NLRP12: variants seen among roughly 807,000 people sequenced by gnomAD.
NLRP12 encodes the protein NACHT, LRR and PYD domains-containing protein 12.
NLRP12 carries 108 observed loss-of-function variants against 91.2 expected under a neutral mutation model. That is an observed-to-expected ratio of 1.18 (90% confidence interval 1.01 to 1.39). The LOEUF (loss-of-function observed/expected upper bound fraction) is 1.39, where lower values mean the gene tolerates loss of function less well. NLRP12 is among the 40% of genes most tolerant of loss of function. The pLI, the probability that NLRP12 is intolerant of heterozygous loss-of-function variation, is 0.00. For missense variants in NLRP12, 1,530 were observed against 1,352.7 expected (o/e 1.13, Z -2.06); for synonymous variants, 613 against 566.7 (o/e 1.08, Z -1.16).
At chr19:53,796,704 T>C (rs1438760346) in intron 8 of NLRP12, among the ~76,000 whole-genome samples, 8 of 151,644 alleles carry the variant, frequency 5.3e-5, no homozygotes, top group African/African-American at 1.5e-4. Context: ...TTTAAAAAAT[T>C]ATCTGGGTTA....
chr19:53,821,133 T>G (rs1273006312), intron 1 of NLRP12, among the ~76,000 whole-genome samples: 1 of 148,604 alleles, frequency 6.7e-6, no homozygotes, highest in African/African-American at 2.5e-5. Context: ...CCGCCTGGGT[T>G]CAAGTGATTC....
At chr19:53,800,504 G>A (rs1403997721) in intron 7 of NLRP12, among the ~76,000 whole-genome samples, 1 of 151,992 alleles carries the variant, frequency 6.6e-6, no homozygotes, top group Non-Finnish European at 1.5e-5. Context: ...AACTTCTCCA[G>A]GCAAAGAGGG....
chr19:53,798,413 C>T lies in NLRP12; in HGVS notation c.2757G>A (p.Arg919=). The T allele has an allele frequency of 6.2e-7, 1 of 1,613,884 alleles. No homozygotes were observed. ...CAGAGCCCAGCCGGCAGATGCCCAA[C>T]CTGCAAAGACAGGATGCTAGGGCGG... ...RHPTCKLQTL[R]LGICRLGSAA... is the part of the protein sequence containing the mutation. Residue 919 remains arginine, a splice_region_variant and synonymous_variant, in exon 8 of 10, where the codon CGG becomes CGA. Coordinates refer to ENST00000324134, the MANE Select transcript of NLRP12 (RefSeq NM_144687.4).
At chr19:53,819,549 A>ACGTATATG (rs1568696034) in intron 1 of NLRP12, among the ~76,000 whole-genome samples, 17 of 113,154 alleles carry the variant, frequency 1.5e-4, no homozygotes, top group Non-Finnish European at 2.5e-4. Flanking sequence ...ACGTATATAT[A>ACGTATATG]TGTATGTATA....
At chr19:53,821,649 C>T (rs1256118971) in intron 1 of NLRP12, among the ~76,000 whole-genome samples, 2 of 152,128 alleles carry the variant, frequency 1.3e-5, no homozygotes, top group Non-Finnish European at 2.9e-5. Flanking sequence ...GCCTGGGCGA[C>T]AGAGCAAGAC....
rs751377595 is a variant in NLRP12, at chr19:53,809,829, G to A, written c.1830C>T (p.Ser610=). ...CGTACAAGCAGCTGAAGAACTCCAA[G>A]GAGCCCTGCTGCAGGGTGGAGCCGT... is the stretch of plus-strand genomic sequence containing the variant. ...QSDGSTLQQG[S]LEFFSCLYEI... The change falls in exon 3 of 10, where the codon TCC becomes TCT. Residue 610 remains serine, a synonymous_variant. Coordinates refer to ENST00000324134, the MANE Select transcript of NLRP12 (RefSeq NM_144687.4). 3 of 1,614,132 alleles carry A rather than the reference G, an allele frequency of 1.9e-6. No homozygotes were observed. Among genetic ancestry groups the A allele is most frequent in the Non-Finnish European group, 2.5e-6 (3 of 1,180,022 alleles).
chr19:53,811,336 T>G lies in NLRP12; in HGVS notation c.371-48A>C, dbSNP rs750632637. 5.0e-6 allele frequency: 8 copies of G among 1,606,762 alleles called. No homozygotes were observed. The South Asian group carries it at 8.8e-5, about 18-fold the overall frequency. The stretch of plus-strand genomic sequence containing the variant: ...TTGTGGAAGACTCATCAGCAGCCTC[T>G]AATGAGTTCACGAGGTAAAGCGCTC... On this transcript the variant is annotated intron_variant, in intron 2 of 9. Transcript: ENST00000324134.
At chr19:53,805,081 A>C (rs1426991136) in intron 5 of NLRP12, among the ~76,000 whole-genome samples, 199 bp downstream of exon 5, 1 of 152,144 alleles carries the variant, frequency 6.6e-6, no homozygotes, top group Non-Finnish European at 1.5e-5. Flanking sequence ...TTCATCATGT[A>C]GAATTGAGTG....
At chr19:53,814,284 C>T (rs2122709510) in intron 2 of NLRP12, among the ~76,000 whole-genome samples, 1 of 152,222 alleles carries the variant, frequency 6.6e-6, no homozygotes, top group African/African-American at 2.4e-5. Flanking sequence ...GGCAGATTCC[C>T]CAGTACTGAC....
At position 53,822,223 on chromosome 19, in the gene NLRP12, C is replaced by A. The variant is rs376854407; in HGVS notation, c.289+1663G>T. Among the ~76,000 whole-genome samples, 9 of 152,176 alleles carry A rather than the reference C, an allele frequency of 5.9e-5. No homozygotes were observed. The East Asian group carries it at 1.7e-3, about 29-fold the overall frequency. ...CCATGTAACAAACCTGCACATGTAC[C>A]CCTTGAATCTAAAAGTTGAAATTTT... On this transcript the variant is annotated intron_variant, in intron 1 of 9. Coordinates refer to ENST00000324134, the MANE Select transcript of NLRP12 (RefSeq NM_144687.4).
chr19:53,802,503 C>G lies in NLRP12; in HGVS notation c.2586-1106G>C, dbSNP rs1055319888. The stretch of plus-strand genomic sequence containing the variant: ...CGGGCGGGTCACGAGGTCAGGAGAT[C>G]GAGACCATCCTGGCTAACACGGTGA... On this transcript the variant is annotated intron_variant, in intron 6 of 9. Transcript: ENST00000324134. 4.0e-5 allele frequency among the ~76,000 whole-genome samples: 6 copies of G among 151,588 alleles called. No homozygotes were observed. In the East Asian group the frequency reaches 1.2e-3, roughly 30 times the overall value.
Position 53,812,502 on chromosome 19 carries a change from G to A in NLRP12, c.371-1214C>T, listed in dbSNP as rs1034738988. Among the ~76,000 whole-genome samples the A allele has an allele frequency of 5.3e-5, 8 of 152,002 alleles. No individual in the cohort carries two copies. In the South Asian group the frequency reaches 1.4e-3, roughly 28 times the overall value. On this transcript the variant is annotated intron_variant, in intron 2 of 9. Transcript: ENST00000324134. ...CAGGGGACATTTGGCAACGGGACAAGTGGGTTGGTTGTTACAACTGGGAAA... is the reference window on the plus strand; with the variant it reads ...CAGGGGACATTTGGCAACGGGACAAATGGGTTGGTTGTTACAACTGGGAAA...
At chr19:53,814,245 C>T (rs932649132) in intron 2 of NLRP12, among the ~76,000 whole-genome samples, 1 of 152,170 alleles carries the variant, frequency 6.6e-6, no homozygotes, top group Non-Finnish European at 1.5e-5. Flanking sequence ...TAACCTCGTT[C>T]CCCTCTGTCA....
chr19:53,809,864 C>T lies in NLRP12; in HGVS notation c.1795G>A (p.Ala599Thr). The T allele has an allele frequency of 1.2e-6, 2 of 1,614,134 alleles. No individual in the cohort carries two copies. The highest frequency in any genetic ancestry group is 1.7e-6 in the Non-Finnish European group (2 of 1,180,044). The change falls in exon 3 of 10, where the codon GCT (alanine) becomes ACT (threonine). Residue 599 changes from alanine (A) to threonine (T), a missense_variant. Transcript: ENST00000324134. Reference sequence around the variant, plus strand: ...TGCAGGGTGGAGCCGTCGCTCTGAGCTTTGCTTTGGATCCACTGCAACAGG... The same window carrying T: ...TGCAGGGTGGAGCCGTCGCTCTGAGTTTTGCTTTGGATCCACTGCAACAGG... Reference protein sequence around the residue: ...MDLLQWIQSKAQSDGSTLQQG... With the variant: ...MDLLQWIQSKTQSDGSTLQQG...
chr19:53,824,163 G>C lies in NLRP12; in HGVS notation c.12C>G (p.Thr4=). The C allele has an allele frequency of 1.9e-6, 3 of 1,613,980 alleles. No homozygotes were observed. Among genetic ancestry groups the C allele is most frequent in the South Asian group, 1.1e-5 (1 of 91,070 alleles). Residue 4 remains threonine, a synonymous_variant, in exon 1 of 10, where the codon ACC becomes ACG. Coordinates refer to ENST00000324134, the MANE Select transcript of NLRP12 (RefSeq NM_144687.4). The part of the protein sequence containing the change: MLR[T]AGRDGLCRLS... The stretch of plus-strand genomic sequence containing the variant: ...GGCGACAGAGGCCGTCCCTGCCTGC[G>C]GTTCGTAGCATGGGGGTGCCGTGAG...
intron 6 of NLRP12, 45 bp from the exon 7 acceptor site, chr19:53,801,442 C>CTTTTTTTTTTTT (rs531637211): frequency 1.6e-6 from 2 of 1,230,638 alleles, no homozygotes; most frequent in African/African-American, 3.9e-5. Context: ...GCTTTCCTTT[C>CTTTTTTTTTTTT]TTTTTCTTTT....
At chr19:53,809,218 T>C (rs2092011279) in intron 3 of NLRP12, among the ~76,000 whole-genome samples, 1 of 72,130 alleles carries the variant, frequency 1.4e-5, no homozygotes, top group South Asian at 4.7e-4. Flanking sequence ...CAAGAGAGAC[T>C]TAGTTTAAAA....
intron 7 of NLRP12, among the ~76,000 whole-genome samples, chr19:53,798,927 A>G (rs1411847693): frequency 6.6e-6 from 1 of 151,964 alleles, no homozygotes; most frequent in Non-Finnish European, 1.5e-5. Flanking sequence ...TTTTTAGTAC[A>G]AGCGGGGTTT....
chr19:53,805,359 C>T lies in NLRP12; in HGVS notation c.2335G>A (p.Gly779Ser). ...NKNLTRMDLS[G>S]NGVGFPGMML... is the part of the protein sequence containing the mutation. Reference sequence around the variant, plus strand: ...ATGCCTGGGAATCCAACGCCGTTGCCACTGAGATCCATCCTTGTCAAATTC... The same window carrying T: ...ATGCCTGGGAATCCAACGCCGTTGCTACTGAGATCCATCCTTGTCAAATTC... Residue 779 changes from glycine to serine, a missense_variant, in exon 5 of 10, where the codon GGC (glycine) becomes AGC (serine). By Grantham distance (56) the Gly-to-Ser change is moderately conservative. Transcript: ENST00000324134. 1 of 1,614,098 alleles carries T rather than the reference C, an allele frequency of 6.2e-7. No individual in the cohort carries two copies. Among genetic ancestry groups the T allele is most frequent in the African/African-American group, 1.3e-5 (1 of 75,032 alleles).
Sources: allele counts gnomAD v4.1 joint callset (sites outside exome capture counted in the v4.1 genomes callset), GRCh38; gene constraint gnomAD v4.1.1; transcripts MANE v1.5; gene names NCBI Gene and HGNC (gene_info 2026-07-23, HGNC 2026-07-21).